The following LAMA5 variants were observed in gnomAD, a reference collection of about 807,000 sequenced individuals.
LAMA5 encodes the protein laminin subunit alpha 5, also known as laminin subunit alpha-5.
A neutral mutation model predicts 433.4 loss-of-function variants in LAMA5; 260 were observed. That is an observed-to-expected ratio of 0.60 (90% CI 0.54 to 0.66). The LOEUF is 0.66. Ranked by LOEUF, LAMA5 falls within the 30% of genes least tolerant of loss-of-function variation. The pLI is 0.00. For missense variants in LAMA5, 5,378 were observed against 5,258.5 expected, an observed-to-expected ratio of 1.02 and a Z score of -0.70; for synonymous variants, 2,620 against 2,226.6, an observed-to-expected ratio of 1.18 and a Z score of -4.97.
Position 62,309,416 on chromosome 20 carries a change from C to T in LAMA5, c.11008G>A (p.Val3670Met), listed in dbSNP as rs778003682. Residue 3670 changes from valine (V) to methionine (M), a missense_variant, in exon 80 of 80, where the codon GTG becomes ATG. Coordinates refer to ENST00000252999, the MANE Select transcript of LAMA5 (RefSeq NM_005560.6). ...GTCATGGCGACGGGGGACCGGTTCA[C>T]CGCCAGCCTCCTCATGCAGCCGCAG... ...AYCGCMRRLA[V>M]NRSPVAMTRS... is the part of the protein sequence containing the mutation. The T allele has an allele frequency of 2.5e-6, 4 of 1,584,512 alleles. No individual in the cohort carries two copies. The South Asian group carries it at 3.4e-5, about 14-fold the overall frequency.
Position 62,367,293 on chromosome 20 carries a change from G to A in LAMA5, c.-48C>T, listed in dbSNP as rs940792093. The stretch of plus-strand genomic sequence containing the variant: ...CCCGAGCTCCAGGGACAGCGCGCGC[G>A]GCGGGAGCCCGGCGGGTCTGAAGCC... On this transcript the variant is annotated 5_prime_UTR_variant, in exon 1 of 80. Transcript: ENST00000252999. The A allele has an allele frequency of 2.7e-6, 3 of 1,130,556 alleles. No homozygotes were observed. The highest frequency in any genetic ancestry group is 1.6e-5 in the African/African-American group (1 of 60,890). 70.0% of individuals were successfully genotyped at this position (1,130,556 alleles called of 1,614,324 possible). A position where few individuals can be genotyped will look rare whatever the true frequency, so the allele number is the denominator to read the frequency against.
At chr20:62,366,702 T>TG in intron 1 of LAMA5, among the ~76,000 whole-genome samples, 1 of 152,270 alleles carries the variant, frequency 6.6e-6, no homozygotes, top group Middle Eastern at 3.4e-3. Flanking sequence ...GCAGTCGAAC[T>TG]GGACCGGCGC....
rs572690810 is a variant in LAMA5 at position 62,322,983 on chromosome 20, G to A, written c.6065-225C>T. The stretch of plus-strand genomic sequence containing the variant: ...CTGCCATGGCCTGCCCTGCTCTGAC[G>A]GCTGGTGTCCGCTGCCAGTGGTGGG... On this transcript the variant is annotated intron_variant, in intron 45 of 79. Transcript: ENST00000252999. Among the ~76,000 whole-genome samples the A allele has an allele frequency of 5.3e-3, 807 of 151,596 alleles. 5 individuals carry two copies. The highest frequency in any genetic ancestry group is 7.4e-3 in the Non-Finnish European group (502 of 67,784).
rs141049099 is a variant in LAMA5, at chr20:62,334,207, G to A, written c.2718C>T (p.Tyr906=). ...CCACCTGGACAGGTGCCATCTGCGC[G>A]TAGCCCCTCCAGCTGAAGTTCTCGA... is the stretch of plus-strand genomic sequence containing the variant. ...LEFENFSWRG[Y]AQMAPVQPRI... The change falls in exon 22 of 80, where the codon TAC becomes TAT. Residue 906 remains tyrosine (Y), a synonymous_variant. Coordinates refer to ENST00000252999, the MANE Select transcript of LAMA5 (RefSeq NM_005560.6). The A allele has an allele frequency of 1.3e-4, 206 of 1,612,780 alleles. 2 individuals carry two copies. The highest frequency in any genetic ancestry group is 1.1e-3 in the African/African-American group (81 of 74,940).
At chr20:62,313,920 CGGAG>C (rs1986615781) in intron 62 of LAMA5, 118 bp from the exon 63 acceptor site, 1 of 895,796 alleles carries the variant, frequency 1.1e-6, no homozygotes, top group Non-Finnish European at 1.6e-6. Flanking sequence ...CGAGTGGGCA[CGGAG>C]AGACGAGGGG....
chr20:62,363,910 A>G (rs1986435451), intron 1 of LAMA5, among the ~76,000 whole-genome samples: 1 of 151,976 alleles, frequency 6.6e-6, no homozygotes, highest in Admixed American at 6.5e-5. Flanking sequence ...TGGTGTTTGG[A>G]TTGCCCCATC....
Position 62,347,224 on chromosome 20 carries a change from A to C in LAMA5, c.957-196T>G, listed in dbSNP as rs1176929890. 3.3e-5 allele frequency among the ~76,000 whole-genome samples: 5 copies of C among 151,810 alleles called. No individual in the cohort carries two copies. In the East Asian group the frequency reaches 9.6e-4, roughly 29 times the overall value. ...CAGCGTCCCCGAGCCTGTGGCTCTGACGCAACTTCCCCAGGCTCAGGGAAT... is the reference window on the plus strand; with the variant it reads ...CAGCGTCCCCGAGCCTGTGGCTCTGCCGCAACTTCCCCAGGCTCAGGGAAT... On this transcript the variant is annotated intron_variant, in intron 6 of 79. Coordinates refer to ENST00000252999, the MANE Select transcript of LAMA5 (RefSeq NM_005560.6).
chr20:62,324,545 G>A lies in LAMA5; in HGVS notation c.5539C>T (p.Pro1847Ser), dbSNP rs138844461. Residue 1847 changes from proline (P) to serine (S), a missense_variant, in exon 42 of 80, where the codon CCC (proline) becomes TCC (serine). Transcript: ENST00000252999. The surrounding 1 kb of genome is among the most constrained non-coding windows in gnomAD (Gnocchi z 4.4). Reference protein sequence around the residue: ...YRGDSCQECAPGFYRDVKGLF... With the variant: ...YRGDSCQECASGFYRDVKGLF... Reference sequence around the variant, plus strand: ...CCTTTGACGTCCCGATAGAAGCCGGGGGCACATTCCTGAGGGTGTACGGGG... The same window carrying A: ...CCTTTGACGTCCCGATAGAAGCCGGAGGCACATTCCTGAGGGTGTACGGGG... 1.9e-6 allele frequency: 3 copies of A among 1,610,930 alleles called. No individual in the cohort carries two copies. The highest frequency in any genetic ancestry group is 1.7e-5 in the Admixed American group (1 of 59,812).
At chr20:62,357,856 G>T (rs1568984870) in intron 2 of LAMA5, among the ~76,000 whole-genome samples, 1 of 152,176 alleles carries the variant, frequency 6.6e-6, no homozygotes, top group Non-Finnish European at 1.5e-5. Context: ...GCTGGGCCTG[G>T]GGTGGATTCA....
rs1321611270 is a variant in LAMA5, at chr20:62,323,425, C to G, written c.6064+31G>C. 1.4e-5 allele frequency: 21 copies of G among 1,500,490 alleles called. No homozygotes were observed. The South Asian group carries it at 2.4e-4, about 17-fold the overall frequency. The allele number at this position is 1,500,490 out of a possible 1,614,324, so 92.9% of individuals were successfully genotyped here. On this transcript the variant is annotated intron_variant, in intron 45 of 79. Coordinates refer to ENST00000252999, the MANE Select transcript of LAMA5 (RefSeq NM_005560.6). ...TCCCTCCTCCCCGCGCAACCCTCCC[C>G]AGGGTGCATCCCTCCCAGCCCGACG...
chr20:62,353,117 CG>C lies in LAMA5; in HGVS notation c.568+16del, dbSNP rs1568977308. On this transcript the variant is annotated intron_variant, in intron 3 of 79. Coordinates refer to ENST00000252999, the MANE Select transcript of LAMA5 (RefSeq NM_005560.6). ...CCCCTGCCTCTCCCCCCAGGCCCCA[CG>C]GCGGCAGAGACTCACAGGCAAAGAA... 6.5e-7 allele frequency: 1 copy of C among 1,543,404 alleles called. No homozygotes were observed.
chr20:62,338,707 A>C (rs1982112748), intron 11 of LAMA5, 99 bp from the exon 12 acceptor site: 2 of 1,194,146 alleles, frequency 1.7e-6, no homozygotes, highest in Admixed American at 2.6e-5. Context: ...ATTTTCTTAC[A>C]CTTTTACACA....
In LAMA5 at chr20:62,312,739, C is replaced by G. The variant is rs755784229; in HGVS notation, c.9120G>C (p.Leu3040=). The G allele has an allele frequency of 1.9e-6, 3 of 1,594,774 alleles. No individual in the cohort carries two copies. The highest frequency in any genetic ancestry group is 1.3e-5 in the African/African-American group (1 of 74,248). The change falls in exon 67 of 80, where the codon CTG becomes CTC. Residue 3040 remains leucine, a synonymous_variant. Transcript: ENST00000252999. ...FLLGGSRKRV[L]VRVERATVYS... ...ACACCGTGGCCCGCTCCACACGCAC[C>G]AGCACACGCTTGCGGCTGCCCCCCA... is the stretch of plus-strand genomic sequence containing the variant.
intron 11 of LAMA5, among the ~76,000 whole-genome samples, chr20:62,344,026 C>A (rs1413122306): frequency 6.6e-6 from 1 of 151,596 alleles, no homozygotes; most frequent in Non-Finnish European, 1.5e-5. Flanking sequence ...TGCCTGTAAC[C>A]CCAGCTACTC....
intron 16 of LAMA5, among the ~76,000 whole-genome samples, chr20:62,337,316 A>G (rs929387224): frequency 2.7e-4 from 41 of 152,134 alleles, no homozygotes; most frequent in Admixed American, 2.0e-4. Context: ...ACACCCACAC[A>G]AGCAACACAT....
chr20:62,351,990 G>T lies in LAMA5; in HGVS notation c.777C>A (p.Val259=). Residue 259 remains valine (V), a synonymous_variant, in exon 5 of 80, where the codon GTC becomes GTA. Coordinates refer to ENST00000252999, the MANE Select transcript of LAMA5 (RefSeq NM_005560.6). ...LLREFTKATN[V]RLRFLRTNTL... ...TGTTGGTACGCAGGAAGCGCAGGCG[G>T]ACGTTGGTGGCCTTGGTGAACTCAC... 1.2e-6 allele frequency: 2 copies of T among 1,612,672 alleles called. No homozygotes were observed. Among genetic ancestry groups the T allele is most frequent in the South Asian group, 2.2e-5 (2 of 91,078 alleles).
In LAMA5 at chr20:62,333,480, T is replaced by G; in HGVS notation, c.3023A>C (p.Asp1008Ala). The G allele has an allele frequency of 6.2e-7, 1 of 1,611,164 alleles. No homozygotes were observed. The highest frequency in any genetic ancestry group is 8.5e-7 in the Non-Finnish European group (1 of 1,179,304). The change falls in exon 25 of 80, where the codon GAC (aspartate) becomes GCC (alanine). Residue 1008 changes from aspartate to alanine, a missense_variant and splice_region_variant. By Grantham distance (126) the Asp-to-Ala change is moderately radical. Transcript: ENST00000252999. ...LRVEAEGVLLDYVVLLPSAYY... is the reference protein window; with the variant it reads ...LRVEAEGVLLAYVVLLPSAYY... ...TGCGCTAGGCAGCAGAACCACGTAG[T>G]CCTGCAGGGTGGAGGTGGTGCTGAG...
chr20:62,319,298 G>A (rs1189231075), intron 51 of LAMA5, among the ~76,000 whole-genome samples: 6 of 152,050 alleles, frequency 3.9e-5, no homozygotes, highest in African/African-American at 1.4e-4. Flanking sequence ...CCTGCTCCCT[G>A]GCCAGCTCTC....
chr20:62,327,754 G>A (rs1274616141), intron 36 of LAMA5, 85 bp from the exon 37 acceptor site: 1 of 1,585,386 alleles, frequency 6.3e-7, no homozygotes, highest in East Asian at 2.2e-5. Flanking sequence ...CAATGGGGAT[G>A]ACTCTCCCAA....
Sources: allele counts gnomAD v4.1 joint callset (sites outside exome capture counted in the v4.1 genomes callset), GRCh38; gene constraint gnomAD v4.1.1; non-coding constraint Gnocchi (gnomAD v3.1); transcripts MANE v1.5; gene names NCBI Gene and HGNC (gene_info 2026-07-23, HGNC 2026-07-21).